SVIL: variants seen among roughly 807,000 people sequenced by gnomAD.
SVIL encodes the protein supervillin.
SVIL carries 101 observed loss-of-function variants against 240.4 expected under a neutral mutation model. That is an observed-to-expected ratio of 0.42 (90% CI 0.36 to 0.50). The LOEUF (loss-of-function observed/expected upper bound fraction) is 0.50, where lower values mean the gene tolerates loss of function less well. Among genes scored for constraint, SVIL ranks in the 20% least tolerant of loss-of-function variants. SVIL has a pLI of 0.01. For synonymous variants in SVIL, 999 were observed against 1,100.0 expected (o/e 0.91, Z 1.82); for missense variants, 2,512 against 2,818.7 (o/e 0.89, Z 2.46).
intron 1 of SVIL, among the ~76,000 whole-genome samples, chr10:29,571,852 TG>T: frequency 6.6e-6 from 1 of 152,318 alleles, no homozygotes; most frequent in Non-Finnish European, 1.5e-5. Flanking sequence ...AGCTTGCTCC[TG>T]GATAGACAAC....
intron 21 of SVIL, among the ~76,000 whole-genome samples, 170 bp from the exon 22 acceptor site, chr10:29,491,189 G>A (rs1314448032): frequency 6.6e-6 from 1 of 152,146 alleles, no homozygotes; most frequent in Non-Finnish European, 1.5e-5. Context: ...AGATGGAAGA[G>A]GGATGCAAGC....
At chr10:29,587,242 A>G (rs1226984322) in intron 1 of SVIL, among the ~76,000 whole-genome samples, 2 of 152,224 alleles carry the variant, frequency 1.3e-5, no homozygotes, top group African/African-American at 4.8e-5. Flanking sequence ...CTGTCATCAC[A>G]GAGCACTATC....
intron 3 of SVIL, among the ~76,000 whole-genome samples, chr10:29,642,416 TGAGA>T (rs1404676540): frequency 5.1e-5 from 5 of 98,680 alleles, no homozygotes; most frequent in Admixed American, 4.7e-4. Context: ...AGAGAGAGAG[TGAGA>T]AAGAAAGAAA....
intron 1 of SVIL, among the ~76,000 whole-genome samples, chr10:29,701,612 A>G (rs887304096): frequency 3.3e-5 from 5 of 152,220 alleles, no homozygotes; most frequent in African/African-American, 1.2e-4. Context: ...TGTATCTAGT[A>G]ATATATCCAG....
chr10:29,567,615 A>G (rs1955077658), intron 2 of SVIL, among the ~76,000 whole-genome samples: 1 of 152,166 alleles, frequency 6.6e-6, no homozygotes, highest in African/African-American at 2.4e-5. Context: ...TGACTTTCAT[A>G]TTGCATGCTT....
intron 28 of SVIL, 106 bp from the exon 29 acceptor site, chr10:29,480,919 C>T: frequency 3.1e-6 from 4 of 1,290,584 alleles, no homozygotes; most frequent in Non-Finnish European, 4.3e-6. Flanking sequence ...AAAAATACAG[C>T]TTCCACACTC....
rs887061357 is a variant in SVIL, at chr10:29,713,065, G to A, written c.-400+22686C>T. ...GTGGTGGCGGGCACCTATAATCCCA[G>A]CTACTCAGGAAGCTGAGGTAGGAGA... On this transcript the variant is annotated intron_variant, in intron 1 of 35. Coordinates refer to the SVIL transcript ENST00000375400. Among the ~76,000 whole-genome samples, 3 of 152,046 alleles carry A rather than the reference G, an allele frequency of 2.0e-5. No homozygotes were observed. The South Asian group carries it at 6.2e-4, about 32-fold the overall frequency.
intron 27 of SVIL, chr10:29,482,937 T>C (rs901723835): frequency 1.3e-5 from 2 of 152,220 alleles, no homozygotes; most frequent in African/African-American, 4.8e-5. Flanking sequence ...ACTTCCTGCT[T>C]GGTCAAGACC....
chr10:29,593,703 T>G (rs1482288264), intron 1 of SVIL, among the ~76,000 whole-genome samples: 2 of 150,302 alleles, frequency 1.3e-5, no homozygotes, highest in Non-Finnish European at 3.0e-5. Context: ...TGCCAAAACT[T>G]ATTAAGAATA....
At chr10:29,487,465 T>C (rs1162762287) in intron 23 of SVIL, 166 bp from the exon 24 acceptor site, 9 of 736,946 alleles carry the variant, frequency 1.2e-5, no homozygotes, top group African/African-American at 1.8e-5. Flanking sequence ...AGAAAGGGCA[T>C]GATGATGGCA....
Position 29,697,141 on chromosome 10 carries a change from TG to T in SVIL, c.-399-10491del, listed in dbSNP as rs1360495739. On this transcript the variant is annotated intron_variant, in intron 1 of 35. Coordinates refer to the SVIL transcript ENST00000375400. ...CCAGCCGCTCCGTCCGGGAGGGAGG[TG>T]GGGGGGGTCAGCGCCCCCTCCCGGC... Among the ~76,000 whole-genome samples the T allele has an allele frequency of 1.1e-4, 7 of 61,372 alleles. 1 individual carries two copies. Among genetic ancestry groups the T allele is most frequent in the Middle Eastern group, 0.011 (1 of 92 alleles). The allele number at this position is 61,372 out of a possible 152,430, so 40.3% of individuals were successfully genotyped here. A position where few individuals can be genotyped will look rare whatever the true frequency, so the allele number is the denominator to read the frequency against.
chr10:29,588,805 G>A (rs148242153), intron 1 of SVIL, among the ~76,000 whole-genome samples: 34 of 152,270 alleles, frequency 2.2e-4, no homozygotes, highest in African/African-American at 5.1e-4. Context: ...AGATAAATGC[G>A]TAACTGACTT....
intron 6 of SVIL, among the ~76,000 whole-genome samples, chr10:29,548,318 AG>A (rs1366492534): frequency 6.6e-6 from 1 of 152,150 alleles, no homozygotes; most frequent in Non-Finnish European, 1.5e-5. Context: ...CCCTGACCTT[AG>A]GTTCTGATCC....
intron 36 of SVIL, among the ~76,000 whole-genome samples, chr10:29,459,242 C>T (rs1397560735): frequency 6.6e-6 from 1 of 152,206 alleles, no homozygotes; most frequent in Non-Finnish European, 1.5e-5. Flanking sequence ...TCCTGAGTAG[C>T]TGGCACTATT....
At chr10:29,602,306 G>A (rs558355917) in intron 1 of SVIL, 1 of 533,806 alleles carries the variant, frequency 1.9e-6, no homozygotes, top group African/African-American at 1.9e-5. Context: ...GGTTCATGAA[G>A]GTGCACTGGG....
Position 29,494,907 on chromosome 10 carries a change from T to C in SVIL, c.3841+7A>G, listed in dbSNP as rs756767464. On this transcript the variant is annotated splice_region_variant and intron_variant, in intron 20 of 37. Transcript: ENST00000355867. ...GAGAGCAAAGCCTTCTGGCTTCCAG[T>C]AGGTACCTTTGTTATTCAGCCTTCT... 6.2e-7 allele frequency: 1 copy of C among 1,607,250 alleles called. No homozygotes were observed. The highest frequency in any genetic ancestry group is 8.5e-7 in the Non-Finnish European group (1 of 1,175,750).
At chr10:29,650,822 G>A (rs1203078138) in intron 3 of SVIL, among the ~76,000 whole-genome samples, 2 of 152,116 alleles carry the variant, frequency 1.3e-5, no homozygotes, top group African/African-American at 2.4e-5. Context: ...GGTGGCACAC[G>A]CCTGTAATCC....
At chr10:29,696,016 G>T (rs1387228760) in intron 1 of SVIL, among the ~76,000 whole-genome samples, 9 of 150,250 alleles carry the variant, frequency 6.0e-5, no homozygotes, top group African/African-American at 2.2e-4. Context: ...AAGCTGGACT[G>T]TACTGCTGCC....
At chr10:29,493,067 T>G (rs1159029583) in intron 21 of SVIL, 147 bp downstream of exon 21, 193 of 989,374 alleles carry the variant, frequency 2.0e-4, no homozygotes, top group South Asian at 1.4e-3. Flanking sequence ...CTGCAACACC[T>G]TGCCCTGGCT....
Sources: allele counts gnomAD v4.1 joint callset (sites outside exome capture counted in the v4.1 genomes callset), GRCh38; gene constraint gnomAD v4.1.1; transcripts MANE v1.5; gene names NCBI Gene and HGNC (gene_info 2026-07-23, HGNC 2026-07-21).